MYH8: variants seen among roughly 807,000 people sequenced by gnomAD.
MYH8 encodes myosin heavy chain 8.
Under a neutral mutation model 233.2 loss-of-function variants are expected in MYH8, and 168 were observed. That is an observed-to-expected ratio of 0.72 (90% confidence interval 0.64 to 0.82). MYH8 has a LOEUF of 0.82. Ranked by LOEUF, MYH8 falls within the 40% of genes least tolerant of loss-of-function variation. MYH8 has a pLI of 0.00. For synonymous variants in MYH8, 785 were observed against 850.6 expected, an observed-to-expected ratio of 0.92 and a Z score of 1.34; for missense variants, 1,995 against 2,327.8, an observed-to-expected ratio of 0.86 and a Z score of 2.94.
In MYH8 at chr17:10,414,979, C is replaced by G. The variant is rs1341222822; in HGVS notation, c.805+137G>C. On this transcript the variant is annotated intron_variant, in intron 9 of 39. Coordinates refer to ENST00000403437, the MANE Select transcript of MYH8 (RefSeq NM_002472.3). Reference sequence around the variant, plus strand: ...AGCACTCAGTGGATTATGGGTAAGCCTAGCATTAGCTTACAGGCAGTACTG... The same window carrying G: ...AGCACTCAGTGGATTATGGGTAAGCGTAGCATTAGCTTACAGGCAGTACTG... 3 of 817,936 alleles carry G rather than the reference C, an allele frequency of 3.7e-6. No homozygotes were observed. In the African/African-American group the frequency reaches 5.0e-5, roughly 14 times the overall value. The allele number at this position is 817,936 out of a possible 1,614,324, so 50.7% of individuals were successfully genotyped here.
chr17:10,409,019 T>C, intron 17 of MYH8, 78 bp downstream of exon 17: 2 of 1,354,088 alleles, frequency 1.5e-6, no homozygotes, highest in Non-Finnish European at 2.1e-6. Context: ...TTTTATTGCC[T>C]CATAATTTTT....
rs199744083 is a variant in MYH8, at chr17:10,420,179, G to C, written c.49C>G (p.Pro17Ala). The C allele has an allele frequency of 6.2e-7, 1 of 1,613,954 alleles. No individual in the cohort carries two copies. Among genetic ancestry groups the C allele is most frequent in the African/African-American group, 1.3e-5 (1 of 75,058 alleles). Residue 17 changes from proline to alanine, a missense_variant, in exon 3 of 40, where the codon CCC (proline) becomes GCC (alanine). Around this residue, in one of 3 missense-constraint regions of MYH8, gnomAD observed 479 missense variants for 600.9 expected, o/e 0.80. Transcript: ENST00000403437. ...TCCTTTTCTGATTTTCGAAGGTAGG[G>C]AGCAGCTTCGCCAAAAACAGCCATC... Reference protein sequence around the residue: ...AEMAVFGEAAPYLRKSEKERI... With the variant: ...AEMAVFGEAAAYLRKSEKERI...
intron 22 of MYH8, among the ~76,000 whole-genome samples, chr17:10,402,785 C>G (rs1278531265): frequency 6.6e-6 from 1 of 152,126 alleles, no homozygotes. Context: ...ATAATATTAT[C>G]TAATATACAG....
chr17:10,399,338 C>G (rs748578522), intron 28 of MYH8, among the ~76,000 whole-genome samples: 1 of 151,966 alleles, frequency 6.6e-6, no homozygotes, highest in African/African-American at 2.4e-5. Flanking sequence ...CTGGTTAGAA[C>G]CGGAGATTTA....
At chr17:10,412,288 T>C in intron 14 of MYH8, 82 bp downstream of exon 14, 1 of 1,613,692 alleles carries the variant, frequency 6.2e-7, no homozygotes, top group Non-Finnish European at 8.5e-7. Context: ...ATGGACGCTA[T>C]AAATGTGGAT....
At chr17:10,392,762 T>C in intron 37 of MYH8, 69 bp downstream of exon 37, 3 of 1,614,078 alleles carry the variant, frequency 1.9e-6, no homozygotes, top group Non-Finnish European at 2.5e-6. Context: ...GAGTCTTGTG[T>C]AGGAAGAGAG....
rs2072313065 is a variant in MYH8 at position 10,419,006 on chromosome 17, C to T, written c.235G>A (p.Val79Ile). 3 of 1,613,976 alleles carry T rather than the reference C, an allele frequency of 1.9e-6. No homozygotes were observed. The change falls in exon 4 of 40, where the codon GTC becomes ATC. Residue 79 changes from valine to isoleucine, a missense_variant. By Grantham distance (29) the Val-to-Ile change is conservative. Coordinates refer to ENST00000403437, the MANE Select transcript of MYH8 (RefSeq NM_002472.3). The surrounding 1 kb of genome is among the most constrained non-coding windows in gnomAD (Gnocchi z 4.0). ...TATTTCGGAGGGTTCATAGGGAAGA[C>T]TTGGTCTTCCCTGACAGTTAGAGTC... ...GATLTVREDQ[V>I]FPMNPPKYDK...
In MYH8 at chr17:10,393,096, C is replaced by G. The variant is rs563469677; in HGVS notation, c.5281G>C (p.Ala1761Pro). 1.2e-6 allele frequency: 2 copies of G among 1,614,078 alleles called. No homozygotes were observed. The highest frequency in any genetic ancestry group is 2.7e-5 in the African/African-American group (2 of 74,918). The change falls in exon 36 of 40, where the codon GCC becomes CCC. Residue 1761 changes from alanine to proline, a missense_variant. Physicochemically the swap from Ala to Pro is conservative, Grantham distance 27 (BLOSUM62 -1). Around this residue, in one of 3 missense-constraint regions of MYH8, gnomAD observed 1,498 missense variants for 1,680.9 expected, o/e 0.89. Coordinates refer to ENST00000403437, the MANE Select transcript of MYH8 (RefSeq NM_002472.3). ...AATGTTCATCTTACATCAGTGATGG[C>G]CTTCTTGGCTTTCTCTTCTGCATTG... ...SRNAEEKAKK[A>P]ITDAAMMAEE...
chr17:10,392,514 G>A (rs772588819), intron 38 of MYH8, 28 bp downstream of exon 38: 6 of 1,581,804 alleles, frequency 3.8e-6, no homozygotes, highest in Non-Finnish European at 5.2e-6. Context: ...CAGGAAGAGT[G>A]GATATTCTGG....
Position 10,415,271 on chromosome 17 carries a change from G to A in MYH8, c.741+21C>T, listed in dbSNP as rs769451266. On this transcript the variant is annotated intron_variant, in intron 8 of 39. Coordinates refer to ENST00000403437, the MANE Select transcript of MYH8 (RefSeq NM_002472.3). This position sits in a 1 kb window ranked among gnomAD's most constrained non-coding sequence, Gnocchi z 4.1. ...AGACGTGGCTACTCTGGAAGTTAGG[G>A]GTTGAGACCAAGAGACTCACAAAGC... The A allele has an allele frequency of 3.1e-6, 5 of 1,609,918 alleles. No individual in the cohort carries two copies. In the East Asian group the frequency reaches 8.9e-5, roughly 29 times the overall value.
chr17:10,400,343 G>C lies in MYH8; in HGVS notation c.3735+47C>G. Reference sequence around the variant, plus strand: ...CAATGTTTAGTGATAGAGAATAATGGGTGTTCTTACAGATGATTACCTTCA... The same window carrying C: ...CAATGTTTAGTGATAGAGAATAATGCGTGTTCTTACAGATGATTACCTTCA... On this transcript the variant is annotated intron_variant, in intron 27 of 39. Coordinates refer to ENST00000403437, the MANE Select transcript of MYH8 (RefSeq NM_002472.3). This position sits in a 1 kb window ranked among gnomAD's most constrained non-coding sequence, Gnocchi z 4.0. 6.2e-7 allele frequency: 1 copy of C among 1,602,680 alleles called. No individual in the cohort carries two copies. Among genetic ancestry groups the C allele is most frequent in the South Asian group, 1.1e-5 (1 of 91,004 alleles).
At position 10,414,432 on chromosome 17, in the gene MYH8, G is replaced by A; in HGVS notation, c.858C>T (p.Tyr286=). ...VTFQLKAERS[Y]HIFYQITSNK... ...TGGAAGTGATCTGATAAAAAATATGGTAGCTTCTTTCCGCCTTTAGCTGGA... is the reference window on the plus strand; with the variant it reads ...TGGAAGTGATCTGATAAAAAATATGATAGCTTCTTTCCGCCTTTAGCTGGA... Residue 286 remains tyrosine, a synonymous_variant, in exon 10 of 40, where the codon TAC becomes TAT. Coordinates refer to ENST00000403437, the MANE Select transcript of MYH8 (RefSeq NM_002472.3). The A allele has an allele frequency of 1.2e-6, 2 of 1,613,630 alleles. No individual in the cohort carries two copies. The highest frequency in any genetic ancestry group is 1.7e-6 in the Non-Finnish European group (2 of 1,179,610).
rs59619326 is a variant in MYH8, at chr17:10,399,249, C to CTGTGTG, written c.3862+288_3862+293dup. On this transcript the variant is annotated intron_variant, in intron 28 of 39. Transcript: ENST00000403437. ...GATTTTCAGATTAGGGATACTCAAC[C>CTGTGTG]TGTGTGTGTGTGTGTGTGTCTGTTT... Among the ~76,000 whole-genome samples the CTGTGTG allele has an allele frequency of 0.067, 9,962 of 149,736 alleles. 393 individuals carry two copies. Among genetic ancestry groups the CTGTGTG allele is most frequent in the African/African-American group, 0.12 (4,710 of 40,696 alleles).
intron 39 of MYH8, among the ~76,000 whole-genome samples, chr17:10,391,459 C>A (rs151284919): frequency 9.3e-4 from 142 of 152,184 alleles, no homozygotes; most frequent in Non-Finnish European, 1.6e-3. Context: ...GTGGGTGGAT[C>A]ACTTGAGGCC....
At chr17:10,392,088 T>A in intron 38 of MYH8, 111 bp from the exon 39 acceptor site, 1 of 853,870 alleles carries the variant, frequency 1.2e-6, no homozygotes, top group Non-Finnish European at 2.0e-6. Context: ...GTAAACTTGA[T>A]CAACTCTGAG....
rs559014212 is a variant in MYH8, at chr17:10,400,225, T to A, written c.3735+165A>T. ...CCCCCCGCTCCAAAAAAAAATCATC[T>A]TAATCGATCATAACCAGCATTTTAA... On this transcript the variant is annotated intron_variant, in intron 27 of 39. Transcript: ENST00000403437. The surrounding 1 kb of genome is among the most constrained non-coding windows in gnomAD (Gnocchi z 4.0). 2.0e-5 allele frequency among the ~76,000 whole-genome samples: 3 copies of A among 152,222 alleles called. No homozygotes were observed. In the East Asian group the frequency reaches 5.8e-4, roughly 29 times the overall value.
At position 10,412,700 on chromosome 17, in the gene MYH8, A is replaced by G; in HGVS notation, c.1176T>C (p.Ser392=). 6.2e-7 allele frequency: 1 copy of G among 1,614,090 alleles called. No individual in the cohort carries two copies. The highest frequency in any genetic ancestry group is 8.5e-7 in the Non-Finnish European group (1 of 1,180,004). ...EVADKAAYLQ[S]LNSADLLKAL... is the part of the protein sequence containing the mutation. ...CTTTGAGTAGGTCTGCAGAGTTCAG[A>G]CTCTGGAGATAGGCTGCCTTGTCAG... Residue 392 remains serine (S), a synonymous_variant, in exon 13 of 40, where the codon AGT becomes AGC. Transcript: ENST00000403437.
chr17:10,391,890 C>T lies in MYH8; in HGVS notation c.5656G>A (p.Glu1886Lys), dbSNP rs1275965939. 3 of 1,613,704 alleles carry T rather than the reference C, an allele frequency of 1.9e-6. No individual in the cohort carries two copies. The highest frequency in any genetic ancestry group is 1.7e-6 in the Non-Finnish European group (2 of 1,179,618). Residue 1886 changes from glutamate to lysine, a missense_variant, in exon 39 of 40, where the codon GAG becomes AAG. This residue lies in a region of MYH8 where 1,498 missense variants were observed against 1,680.9 expected (regional missense o/e 0.89). Coordinates refer to ENST00000403437, the MANE Select transcript of MYH8 (RefSeq NM_002472.3). ...AKVKSYKRQA[E>K]EAEEQSNANL... is the part of the protein sequence containing the mutation. Reference sequence around the variant, plus strand: ...GGCTTAAAGATACTTACAGCCTCCTCAGCTTGTCTCTTGTATGATTTCACC... The same window carrying T: ...GGCTTAAAGATACTTACAGCCTCCTTAGCTTGTCTCTTGTATGATTTCACC...
At chr17:10,402,691 A>G (rs901967938) in intron 22 of MYH8, among the ~76,000 whole-genome samples, 1 of 152,144 alleles carries the variant, frequency 6.6e-6, no homozygotes, top group Non-Finnish European at 1.5e-5. Context: ...ATCATATTTT[A>G]GCATTTCTCT....
Sources: gnomAD v4.1 joint callset for allele counts (sites outside exome capture counted in the v4.1 genomes callset) on GRCh38, gnomAD v4.1.1 for gene constraint, gnomAD v4.1.1 regional missense constraint, Gnocchi (gnomAD v3.1) non-coding constraint, MANE v1.5 for transcripts, NCBI Gene and HGNC (gene_info 2026-07-23, HGNC 2026-07-21) for gene names.